TMEM135: variants seen among roughly 807,000 people sequenced by gnomAD.
TMEM135 encodes transmembrane protein 135, also known as peroxisomal membrane protein 52.
In TMEM135, 30 loss-of-function variants were observed where a neutral mutation model predicts 60.3. That is an observed-to-expected ratio of 0.50 (90% CI 0.37 to 0.68). TMEM135 has a LOEUF of 0.68. Among genes scored for constraint, TMEM135 ranks in the 30% least tolerant of loss-of-function variants. The pLI is 0.00. For missense variants in TMEM135, 468 were observed against 548.8 expected (o/e 0.85, Z 1.47); for synonymous variants, 190 against 186.7 (o/e 1.02, Z -0.14).
At chr11:87,088,381 A>G (rs1462517730) in intron 3 of TMEM135, among the ~76,000 whole-genome samples, 1 of 152,156 alleles carries the variant, frequency 6.6e-6, no homozygotes, top group Non-Finnish European at 1.5e-5. Context: ...TGATACAAAT[A>G]ACTATATTAC....
intron 3 of TMEM135, among the ~76,000 whole-genome samples, chr11:87,089,271 A>G (rs1857158294): frequency 6.6e-6 from 1 of 152,244 alleles, no homozygotes; most frequent in South Asian, 2.1e-4. Context: ...ACGGTAGCAC[A>G]TGCCTGTAAT....
At chr11:87,075,791 G>T (rs117210208) in intron 3 of TMEM135, among the ~76,000 whole-genome samples, 1 of 152,152 alleles carries the variant, frequency 6.6e-6, no homozygotes, top group Non-Finnish European at 1.5e-5. Context: ...GTAGAGGTAC[G>T]TACTGCCTTG....
At chr11:87,183,992 A>G (rs1424800965) in intron 5 of TMEM135, among the ~76,000 whole-genome samples, 1 of 151,426 alleles carries the variant, frequency 6.6e-6, no homozygotes, top group Non-Finnish European at 1.5e-5. Context: ...CGAGAGTTAA[A>G]CGAATATTTA....
intron 4 of TMEM135, among the ~76,000 whole-genome samples, chr11:87,154,612 A>G (rs548960928): frequency 1.3e-5 from 2 of 152,136 alleles, no homozygotes; most frequent in Non-Finnish European, 2.9e-5. Context: ...AAGGGTTCCA[A>G]TTTCTCCACA....
intron 1 of TMEM135, among the ~76,000 whole-genome samples, chr11:87,046,068 A>T (rs1382340721): frequency 6.6e-6 from 1 of 152,226 alleles, no homozygotes; most frequent in East Asian, 1.9e-4. Context: ...CATAAGGTAC[A>T]GATAAAAATA....
At chr11:87,200,343 A>C (rs1940067027) in intron 5 of TMEM135, among the ~76,000 whole-genome samples, 1 of 152,158 alleles carries the variant, frequency 6.6e-6, no homozygotes, top group Admixed American at 6.5e-5. Flanking sequence ...GTAATCTTGG[A>C]ATTCAAGATG....
chr11:87,226,311 G>T (rs1212459113), intron 5 of TMEM135, among the ~76,000 whole-genome samples: 2 of 152,110 alleles, frequency 1.3e-5, no homozygotes, highest in African/African-American at 2.4e-5. Context: ...AGCTCTGAGA[G>T]TATACTTGAA....
chr11:87,303,430 T>C (rs1942481693), intron 8 of TMEM135, among the ~76,000 whole-genome samples: 1 of 152,212 alleles, frequency 6.6e-6, no homozygotes, highest in Non-Finnish European at 1.5e-5. Context: ...CATTGAATTA[T>C]AGGAAGCTGA....
intron 1 of TMEM135, among the ~76,000 whole-genome samples, chr11:87,047,672 G>A (rs4249913): frequency 0.099 from 11,081 of 112,390 alleles, 542 homozygotes; most frequent in Middle Eastern, 0.12. Context: ...CTACACCCAC[G>A]GAATCTCGCT....
chr11:87,235,621 A>G (rs980518047), intron 5 of TMEM135, among the ~76,000 whole-genome samples: 5 of 152,000 alleles, frequency 3.3e-5, no homozygotes, highest in Non-Finnish European at 5.9e-5. Flanking sequence ...CACAATAGAA[A>G]GAAGGTTCAT....
At chr11:87,261,336 C>A (rs1207877926) in intron 6 of TMEM135, among the ~76,000 whole-genome samples, 1 of 152,078 alleles carries the variant, frequency 6.6e-6, no homozygotes, top group African/African-American at 2.4e-5. Context: ...TACAAATCTT[C>A]TATGTGGGTT....
chr11:87,071,641 G>A (rs770345403), intron 3 of TMEM135, 26 bp downstream of exon 3: 8 of 1,584,492 alleles, frequency 5.0e-6, no homozygotes, highest in East Asian at 2.2e-5. Flanking sequence ...TTTATTTAAC[G>A]GAACTGATTA....
chr11:87,082,397 A>C (rs144159402), intron 3 of TMEM135, among the ~76,000 whole-genome samples: 32 of 152,370 alleles, frequency 2.1e-4, no homozygotes, highest in African/African-American at 7.0e-4. Context: ...AGTTGAAGTT[A>C]TGCATATTTT....
chr11:87,296,012 A>G (rs1164888823), intron 7 of TMEM135, among the ~76,000 whole-genome samples, 189 bp downstream of exon 7: 3 of 152,224 alleles, frequency 2.0e-5, no homozygotes, highest in Non-Finnish European at 4.4e-5. Flanking sequence ...TTCTCTCTAA[A>G]AATTAATCAA....
At chr11:87,110,385 C>T (rs995087449) in intron 4 of TMEM135, among the ~76,000 whole-genome samples, 2 of 151,858 alleles carry the variant, frequency 1.3e-5, no homozygotes, top group Non-Finnish European at 2.9e-5. Flanking sequence ...ATTGCTTGAG[C>T]CCGAGAGTTT....
intron 5 of TMEM135, among the ~76,000 whole-genome samples, chr11:87,236,361 T>G (rs763768835): frequency 2.0e-5 from 3 of 151,096 alleles, no homozygotes; most frequent in Non-Finnish European, 4.4e-5. Flanking sequence ...GTTGATGAAC[T>G]AAAAAAAAAT....
chr11:87,262,969 T>C (rs1941680056), intron 6 of TMEM135, among the ~76,000 whole-genome samples: 1 of 152,014 alleles, frequency 6.6e-6, no homozygotes, highest in Admixed American at 6.6e-5. Flanking sequence ...TTATAAGATA[T>C]TGTCTTTTCA....
chr11:87,252,165 G>A (rs186608626), intron 6 of TMEM135, among the ~76,000 whole-genome samples: 37 of 152,146 alleles, frequency 2.4e-4, no homozygotes, highest in African/African-American at 8.7e-4. Context: ...TTCTTAGACT[G>A]GAGAGACTAG....
intron 4 of TMEM135, among the ~76,000 whole-genome samples, chr11:87,146,576 A>G (rs1166713530): frequency 6.6e-6 from 1 of 152,108 alleles, no homozygotes; most frequent in Non-Finnish European, 1.5e-5. Context: ...CACAGCTATG[A>G]TTAGCGTTCC....
Sources: gnomAD v4.1 joint callset for allele counts (sites outside exome capture counted in the v4.1 genomes callset) on GRCh38, gnomAD v4.1.1 for gene constraint, MANE v1.5 for transcripts, NCBI Gene and HGNC (gene_info 2026-07-23, HGNC 2026-07-21) for gene names.